Variants in DYNC1I1 observed in about 807,000 individuals in gnomAD.
The protein encoded by DYNC1I1 is dynein cytoplasmic 1 intermediate chain 1.
DYNC1I1 carries 43 observed loss-of-function variants against 86.6 expected under a neutral mutation model. The ratio of observed to expected loss-of-function variants is 0.50; its 90% confidence interval spans 0.39 to 0.64. The LOEUF (loss-of-function observed/expected upper bound fraction) is 0.64, where lower values mean the gene tolerates loss of function less well. Ranked by LOEUF, DYNC1I1 falls within the 30% of genes least tolerant of loss-of-function variation. The probability of loss-of-function intolerance (pLI) is 0.00; values close to 1 mark genes in which losing one functional copy is unlikely to be tolerated. For synonymous variants in DYNC1I1, 262 were observed against 283.7 expected (o/e 0.92, Z 0.77); for missense variants, 604 against 788.8 (o/e 0.77, Z 2.81).
chr7:95,783,868 A>T (rs1794059457), intron 1 of DYNC1I1, among the ~76,000 whole-genome samples: 1 of 152,242 alleles, frequency 6.6e-6, no homozygotes, highest in Admixed American at 6.5e-5. Context: ...AATTTTCTTC[A>T]TCTGTAAAAC....
chr7:96,072,318 G>C (rs971053631), intron 14 of DYNC1I1, among the ~76,000 whole-genome samples: 1 of 152,160 alleles, frequency 6.6e-6, no homozygotes, highest in African/African-American at 2.4e-5. Flanking sequence ...TCATTGACAT[G>C]TACCACACGT....
intron 14 of DYNC1I1, among the ~76,000 whole-genome samples, chr7:96,058,821 T>TTG (rs1789664264): frequency 2.0e-5 from 3 of 149,664 alleles, no homozygotes; most frequent in African/African-American, 7.4e-5. Flanking sequence ...TTTTTTTTTT[T>TTG]TTGGTGGAGA....
At position 96,054,741 on chromosome 7, in the gene DYNC1I1, A is replaced by G. The variant is rs1372905707; in HGVS notation, c.1509+15320A>G. ...GACCAGTGATGGTGAGCTTTTTTTC[A>G]TGTTTGTTGGCCACATAAATGTCTT... On this transcript the variant is annotated intron_variant, in intron 14 of 16. Transcript: ENST00000447467. 3.3e-5 allele frequency among the ~76,000 whole-genome samples: 5 copies of G among 151,980 alleles called. No individual in the cohort carries two copies. The East Asian group carries it at 9.6e-4, about 29-fold the overall frequency.
At chr7:96,005,780 G>A (rs918880921) in intron 10 of DYNC1I1, among the ~76,000 whole-genome samples, 8 of 152,106 alleles carry the variant, frequency 5.3e-5, no homozygotes, top group East Asian at 1.9e-4. Flanking sequence ...AAATCCACAC[G>A]GGGAAAATAT....
At chr7:96,106,450 G>T (rs577136633) in intron 16 of DYNC1I1, among the ~76,000 whole-genome samples, 1 of 151,904 alleles carries the variant, frequency 6.6e-6, no homozygotes, top group Admixed American at 6.6e-5. Flanking sequence ...CAGGAGAATC[G>T]CTTCAACTCC....
At chr7:95,901,858 A>T (rs969604142) in intron 6 of DYNC1I1, among the ~76,000 whole-genome samples, 1 of 152,230 alleles carries the variant, frequency 6.6e-6, no homozygotes, top group Admixed American at 6.5e-5. Context: ...TTCTGAATAC[A>T]TAACAGAAAT....
At chr7:95,776,428 G>A (rs1793842577) in intron 1 of DYNC1I1, among the ~76,000 whole-genome samples, 4 of 152,092 alleles carry the variant, frequency 2.6e-5, no homozygotes. Flanking sequence ...ACTGTAAAAG[G>A]GAGGCATACG....
chr7:95,908,727 G>T (rs1791241971), intron 6 of DYNC1I1, among the ~76,000 whole-genome samples: 1 of 152,130 alleles, frequency 6.6e-6, no homozygotes, highest in Non-Finnish European at 1.5e-5. Context: ...TTCCCCAGCG[G>T]TTGGTTTAGA....
In DYNC1I1 at chr7:95,902,144, G is replaced by C. The variant is rs1791052935; in HGVS notation, c.490+32146G>C. ...GAAAGTTTGTGAAATTCAAGAGGCTGTCTTTTTCCTTTCCCAAAAAATAAT... is the reference window on the plus strand; with the variant it reads ...GAAAGTTTGTGAAATTCAAGAGGCTCTCTTTTTCCTTTCCCAAAAAATAAT... On this transcript the variant is annotated intron_variant, in intron 6 of 16. Coordinates refer to ENST00000447467, the MANE Select transcript of DYNC1I1 (RefSeq NM_001135556.2). Among the ~76,000 whole-genome samples, 3 of 152,178 alleles carry C rather than the reference G, an allele frequency of 2.0e-5. No homozygotes were observed. In the South Asian group the frequency reaches 6.2e-4, roughly 32 times the overall value.
intron 6 of DYNC1I1, among the ~76,000 whole-genome samples, chr7:95,896,386 T>C (rs1364563148): frequency 6.6e-6 from 1 of 152,198 alleles, no homozygotes. Flanking sequence ...ACATTACTAA[T>C]AATGCGTGCT....
intron 14 of DYNC1I1, among the ~76,000 whole-genome samples, chr7:96,049,356 C>T (rs867547984): frequency 6.6e-6 from 1 of 150,966 alleles, no homozygotes; most frequent in Non-Finnish European, 1.5e-5. Context: ...AAAAAAAATA[C>T]TCTCTTGAAA....
chr7:96,032,265 G>A lies in DYNC1I1; in HGVS notation c.1117-402G>A, dbSNP rs73399015. 6.4e-3 allele frequency among the ~76,000 whole-genome samples: 980 copies of A among 152,186 alleles called. 8 individuals carry two copies. Among genetic ancestry groups the A allele is most frequent in the African/African-American group, 0.022 (928 of 41,528 alleles). ...TTAGTAACATGTATTCCTTCCAAAA[G>A]TCAGTAGTTCTACCCTTTTGAAGAC... On this transcript the variant is annotated intron_variant, in intron 11 of 16. Coordinates refer to ENST00000447467, the MANE Select transcript of DYNC1I1 (RefSeq NM_001135556.2).
intron 7 of DYNC1I1, among the ~76,000 whole-genome samples, chr7:95,982,000 A>G (rs1294497363): frequency 6.6e-6 from 1 of 151,944 alleles, no homozygotes; most frequent in Non-Finnish European, 1.5e-5. Flanking sequence ...TAATCAACCA[A>G]TTTTCTTTCA....
chr7:95,872,416 T>C (rs1790197423), intron 6 of DYNC1I1, among the ~76,000 whole-genome samples: 2 of 152,246 alleles, frequency 1.3e-5, no homozygotes, highest in Admixed American at 1.3e-4. Flanking sequence ...ATCAAACTAA[T>C]GATCTCAGAG....
At chr7:96,074,595 T>A (rs1004838443) in intron 14 of DYNC1I1, among the ~76,000 whole-genome samples, 6 of 144,952 alleles carry the variant, frequency 4.1e-5, no homozygotes, top group African/African-American at 1.5e-4. Context: ...TTCTAAGCGG[T>A]GATTTTTAAA....
At chr7:96,046,956 A>G (rs990721281) in intron 14 of DYNC1I1, among the ~76,000 whole-genome samples, 3 of 152,200 alleles carry the variant, frequency 2.0e-5, no homozygotes, top group Non-Finnish European at 4.4e-5. Flanking sequence ...TAGTCCATTC[A>G]GGGTTCTATA....
intron 9 of DYNC1I1, among the ~76,000 whole-genome samples, chr7:95,992,242 T>TA (rs1431027803): frequency 6.6e-6 from 1 of 152,172 alleles, no homozygotes; most frequent in Non-Finnish European, 1.5e-5. Context: ...TAGTTACTTC[T>TA]ACGTGTGTCT....
chr7:96,098,887 T>G (rs913038586), downstream of DYNC1I1, among the ~76,000 whole-genome samples: 21 of 152,206 alleles, frequency 1.4e-4, no homozygotes, highest in Admixed American at 1.2e-3. Context: ...GAAGACAGGC[T>G]TTCGGCTTTT....
At chr7:96,075,456 A>T (rs1197237457) in intron 14 of DYNC1I1, among the ~76,000 whole-genome samples, 4 of 152,230 alleles carry the variant, frequency 2.6e-5, no homozygotes, top group Non-Finnish European at 5.9e-5. Context: ...CTAAAGGCGT[A>T]GGATCGCGAA....
Sources: allele counts gnomAD v4.1 joint callset (sites outside exome capture counted in the v4.1 genomes callset), GRCh38; gene constraint gnomAD v4.1.1; transcripts MANE v1.5; gene names NCBI Gene and HGNC (gene_info 2026-07-23, HGNC 2026-07-21).